The following TYW1 variants were observed in gnomAD, a reference collection of about 807,000 sequenced individuals.
TYW1 encodes the protein tRNA-yW synthesizing protein 1 homolog.
A neutral mutation model predicts 96.2 loss-of-function variants in TYW1; 46 were observed. The ratio of observed to expected loss-of-function variants is 0.48; its 90% confidence interval spans 0.38 to 0.61. The LOEUF (loss-of-function observed/expected upper bound fraction) is 0.61. TYW1 is among the 20% of genes least tolerant of loss of function. The pLI is 0.00. For synonymous variants in TYW1, 274 were observed against 323.0 expected (o/e 0.85, Z 1.63); for missense variants, 684 against 909.6 (o/e 0.75, Z 3.19).
intron 8 of TYW1, among the ~76,000 whole-genome samples, chr7:67,053,677 A>C (rs1179457124): frequency 6.6e-6 from 1 of 152,052 alleles, no homozygotes; most frequent in Non-Finnish European, 1.5e-5. Flanking sequence ...CACCATGCCC[A>C]TCCCATTTGG....
intron 6 of TYW1, among the ~76,000 whole-genome samples, chr7:67,022,068 GC>G (rs1285166378): frequency 6.6e-6 from 1 of 152,078 alleles, no homozygotes. Context: ...GCACCATCAT[GC>G]CCAGCTAAGT....
chr7:67,115,568 A>T (rs3807369), intron 12 of TYW1, among the ~76,000 whole-genome samples: 20,074 of 152,100 alleles, frequency 0.13, 1,635 homozygotes, highest in East Asian at 0.3. Flanking sequence ...TTTTCTATAT[A>T]TCACTAAGCC....
chr7:67,018,650 T>A (rs1180528393), intron 6 of TYW1, among the ~76,000 whole-genome samples: 1 of 151,892 alleles, frequency 6.6e-6, no homozygotes, highest in African/African-American at 2.4e-5. Flanking sequence ...TCGTGCTAGA[T>A]GCTTTCCAGA....
intron 5 of TYW1, among the ~76,000 whole-genome samples, chr7:67,014,864 G>A (rs771818216): frequency 3.3e-5 from 5 of 152,030 alleles, no homozygotes; most frequent in Non-Finnish European, 7.4e-5. Flanking sequence ...CGAGTAGCTG[G>A]GATTACAGGC....
chr7:67,015,866 G>A (rs1204617833), intron 5 of TYW1, among the ~76,000 whole-genome samples: 1 of 151,922 alleles, frequency 6.6e-6, no homozygotes. Flanking sequence ...GGGAGGCTGA[G>A]GCAGGAGAAT....
chr7:67,109,933 G>T (rs1287796978), intron 12 of TYW1, among the ~76,000 whole-genome samples: 1 of 152,124 alleles, frequency 6.6e-6, no homozygotes, highest in Non-Finnish European at 1.5e-5. Context: ...AAAACCAGCA[G>T]CCCAGCCGCT....
chr7:67,055,484 A>G (rs1562987860), intron 8 of TYW1, among the ~76,000 whole-genome samples: 1 of 151,932 alleles, frequency 6.6e-6, no homozygotes, highest in Admixed American at 6.6e-5. Context: ...CTGTAGTCCC[A>G]ATTACGCGGG....
At chr7:67,062,740 T>C (rs1385583427) in intron 9 of TYW1, among the ~76,000 whole-genome samples, 6 of 152,132 alleles carry the variant, frequency 3.9e-5, no homozygotes, top group Non-Finnish European at 7.4e-5. Flanking sequence ...CCGTAACTTA[T>C]TAAAACTCAA....
At chr7:67,023,387 G>A (rs1794344055) in intron 6 of TYW1, among the ~76,000 whole-genome samples, 1 of 152,106 alleles carries the variant, frequency 6.6e-6, no homozygotes, top group African/African-American at 2.4e-5. Flanking sequence ...GTGAGCCACT[G>A]TGTCCGGCCC....
chr7:67,162,274 A>G (rs1409655644), intron 13 of TYW1, among the ~76,000 whole-genome samples: 2 of 146,900 alleles, frequency 1.4e-5, no homozygotes, highest in African/African-American at 2.5e-5. Flanking sequence ...AGATTGCACC[A>G]CTGCACTCCA....
chr7:67,039,818 A>G (rs908837668), intron 7 of TYW1, among the ~76,000 whole-genome samples: 7 of 151,068 alleles, frequency 4.6e-5, no homozygotes, highest in Non-Finnish European at 1.0e-4. Context: ...ACGTGCCACC[A>G]CGCCCAGCTA....
intron 15 of TYW1, among the ~76,000 whole-genome samples, chr7:67,223,645 A>G (rs28496461): frequency 0.24 from 34,501 of 142,792 alleles, 4,668 homozygotes; most frequent in African/African-American, 0.33. Context: ...CCTCTATTCC[A>G]CCCTTCCATG....
intron 7 of TYW1, among the ~76,000 whole-genome samples, chr7:67,028,718 A>T (rs1794542745): frequency 1.3e-5 from 2 of 152,142 alleles, no homozygotes; most frequent in Admixed American, 1.3e-4. Flanking sequence ...AGGGCTTTTG[A>T]CAGTTTTTAC....
chr7:67,116,649 A>G (rs1797603822), intron 12 of TYW1, among the ~76,000 whole-genome samples: 1 of 152,118 alleles, frequency 6.6e-6, no homozygotes, highest in Non-Finnish European at 1.5e-5. Flanking sequence ...TGATTGTGCC[A>G]CTGCACTCCA....
In TYW1 at chr7:67,032,885, C is replaced by CTTTTTTTTTTTTTTT. The variant is rs778743156; in HGVS notation, c.984+7878_984+7892dup. Among the ~76,000 whole-genome samples the CTTTTTTTTTTTTTTT allele has an allele frequency of 2.6e-4, 20 of 76,276 alleles. 1 individual carries two copies. Among genetic ancestry groups the CTTTTTTTTTTTTTTT allele is most frequent in the African/African-American group, 5.4e-4 (9 of 16,650 alleles). 50.0% of individuals were successfully genotyped at this position (76,276 alleles called of 152,430 possible). A position where few individuals can be genotyped will look rare whatever the true frequency, so the allele number is the denominator to read the frequency against. ...ATTTTCCAGCAGCAGAGAAGTATAC[C>CTTTTTTTTTTTTTTT]TTTTTTTTTTTTTTTTTTTTTTTTT... On this transcript the variant is annotated intron_variant, in intron 7 of 15. Coordinates refer to ENST00000359626, the MANE Select transcript of TYW1 (RefSeq NM_018264.4).
At chr7:67,159,769 TA>T (rs1799098978) in intron 13 of TYW1, among the ~76,000 whole-genome samples, 1 of 143,232 alleles carries the variant, frequency 7.0e-6, no homozygotes, top group Non-Finnish European at 1.5e-5. Flanking sequence ...AATTCCATTG[TA>T]ACAATATCAC....
intron 13 of TYW1, among the ~76,000 whole-genome samples, chr7:67,145,530 G>A (rs1343456846): frequency 6.6e-6 from 1 of 152,088 alleles, no homozygotes; most frequent in Non-Finnish European, 1.5e-5. Context: ...TGTGAAATAT[G>A]CTTCATTTAG....
chr7:67,009,547 G>T, intron 3 of TYW1, 36 bp from the exon 4 acceptor site: 1 of 1,594,998 alleles, frequency 6.3e-7, no homozygotes, highest in South Asian at 1.1e-5. Flanking sequence ...TTGGCTCATT[G>T]AAGACTTTAT....
At chr7:67,013,855 T>C (rs540091508) in intron 4 of TYW1, among the ~76,000 whole-genome samples, 108 of 148,662 alleles carry the variant, frequency 7.3e-4, no homozygotes, top group African/African-American at 2.5e-3. Flanking sequence ...GCCATTCTCC[T>C]GCCTCAGCCT....
Sources: allele counts gnomAD v4.1 joint callset (sites outside exome capture counted in the v4.1 genomes callset), GRCh38; gene constraint gnomAD v4.1.1; transcripts MANE v1.5; gene names NCBI Gene and HGNC (gene_info 2026-07-23, HGNC 2026-07-21).